ERN1: variants seen among roughly 807,000 people sequenced by gnomAD.
The protein encoded by ERN1 is serine/threonine-protein kinase/endoribonuclease IRE1.
In ERN1, 39 loss-of-function variants were observed where a neutral mutation model predicts 113.1. The ratio of observed to expected loss-of-function variants is 0.34; its 90% CI spans 0.27 to 0.45. The LOEUF (loss-of-function observed/expected upper bound fraction) is 0.45, where lower values mean the gene tolerates loss of function less well. Ranked by LOEUF, ERN1 falls within the 20% of genes least tolerant of loss-of-function variation. ERN1 has a pLI of 1.00. For synonymous variants in ERN1, 507 were observed against 515.9 expected (o/e 0.98, Z 0.23); for missense variants, 976 against 1,274.8 (o/e 0.77, Z 3.57).
intron 2 of ERN1, among the ~76,000 whole-genome samples, chr17:64,088,484 C>T (rs1913995671): frequency 6.6e-6 from 1 of 152,154 alleles, no homozygotes; most frequent in Non-Finnish European, 1.5e-5. Context: ...GAGATGAAGT[C>T]TCAAATGCTT....
At position 64,115,763 on chromosome 17, in the gene ERN1, G is replaced by A. The variant is rs138371619; in HGVS notation, c.54+14213C>T. ...GATGAGGTGGGCACACAGATGCATGGTCTGGTTTGAGCTCTGGGCAAGTCA... is the reference window on the plus strand; with the variant it reads ...GATGAGGTGGGCACACAGATGCATGATCTGGTTTGAGCTCTGGGCAAGTCA... On this transcript the variant is annotated intron_variant, in intron 1 of 21. Transcript: ENST00000433197. Among the ~76,000 whole-genome samples the A allele has an allele frequency of 2.2e-3, 328 of 152,292 alleles. 4 individuals carry two copies. The highest frequency in any genetic ancestry group is 7.6e-3 in the African/African-American group (315 of 41,566).
intron 1 of ERN1, among the ~76,000 whole-genome samples, chr17:64,127,334 G>C (rs1248269597): frequency 3.3e-5 from 5 of 152,186 alleles, no homozygotes; most frequent in Non-Finnish European, 7.3e-5. Flanking sequence ...TGATGGCTTA[G>C]AGTAAAAAGC....
chr17:64,062,992 C>A (rs1160294072), intron 10 of ERN1, among the ~76,000 whole-genome samples: 1 of 152,336 alleles, frequency 6.6e-6, no homozygotes, highest in Non-Finnish European at 1.5e-5. Context: ...CCACCTACAC[C>A]GCACTGCCTG....
intron 17 of ERN1, among the ~76,000 whole-genome samples, chr17:64,050,050 C>T (rs186718636): frequency 5.3e-5 from 8 of 152,260 alleles, no homozygotes; most frequent in East Asian, 1.9e-4. Flanking sequence ...CCTTGTGAGG[C>T]GAGCAGAGCA....
At chr17:64,125,236 C>A in intron 1 of ERN1, among the ~76,000 whole-genome samples, 1 of 151,952 alleles carries the variant, frequency 6.6e-6, no homozygotes, top group East Asian at 1.9e-4. Flanking sequence ...CTTATCTATC[C>A]TTTCTAACTT....
intron 1 of ERN1, among the ~76,000 whole-genome samples, chr17:64,126,551 G>C (rs959839316): frequency 3.3e-5 from 5 of 152,016 alleles, no homozygotes; most frequent in Admixed American, 3.3e-4. Flanking sequence ...ATAACTCTCA[G>C]ATACATTTTT....
intron 1 of ERN1, among the ~76,000 whole-genome samples, chr17:64,102,032 C>G (rs1225060963): frequency 2.0e-5 from 3 of 152,128 alleles, no homozygotes; most frequent in African/African-American, 7.2e-5. Context: ...GTAATCTCAG[C>G]ACTTTGGGAG....
intron 2 of ERN1, among the ~76,000 whole-genome samples, chr17:64,085,028 T>A (rs955933290): frequency 1.3e-5 from 2 of 152,228 alleles, no homozygotes; most frequent in Non-Finnish European, 2.9e-5. Flanking sequence ...TATATTTTAT[T>A]GCTTACTTAA....
chr17:64,066,554 C>T, intron 8 of ERN1, 117 bp downstream of exon 8: 2 of 1,266,108 alleles, frequency 1.6e-6, no homozygotes, highest in African/African-American at 1.5e-5. Context: ...CTGAATATTC[C>T]TCATGGCTTC....
At chr17:64,075,091 C>G in intron 5 of ERN1, 84 bp downstream of exon 5, 19 of 1,111,006 alleles carry the variant, frequency 1.7e-5, no homozygotes, top group Non-Finnish European at 2.5e-5. Flanking sequence ...GCGGTGACTG[C>G]GCCCTCTCTC....
intron 3 of ERN1, 73 bp downstream of exon 3, chr17:64,080,702 C>G: frequency 7.1e-7 from 1 of 1,400,128 alleles, no homozygotes; most frequent in Non-Finnish European, 1.0e-6. Context: ...CTCCCAGCAA[C>G]TGGCCTCATA....
chr17:64,079,678 T>C lies in ERN1; in HGVS notation c.266A>G (p.Asn89Ser), dbSNP rs1272588935. The change falls in exon 4 of 22, where the codon AAT (asparagine) becomes AGT (serine). Residue 89 changes from asparagine (N) to serine (S), a missense_variant. Around this residue, in one of 5 missense-constraint regions of ERN1, gnomAD observed 459 missense variants for 581.2 expected, o/e 0.79. Coordinates refer to ENST00000433197, the MANE Select transcript of ERN1 (RefSeq NM_001433.5). ...DGSLYTLGSK[N>S]NEGLTKLPFT... Reference sequence around the variant, plus strand: ...TATACTCACCGTCAGGCCTTCATTATTCTTGCTTCCAAGCGTATACAGGCT... The same window carrying C: ...TATACTCACCGTCAGGCCTTCATTACTCTTGCTTCCAAGCGTATACAGGCT... 6.2e-7 allele frequency: 1 copy of C among 1,613,900 alleles called. No individual in the cohort carries two copies. The highest frequency in any genetic ancestry group is 1.1e-5 in the South Asian group (1 of 91,074).
At chr17:64,085,206 C>T (rs1913887786) in intron 2 of ERN1, among the ~76,000 whole-genome samples, 1 of 152,112 alleles carries the variant, frequency 6.6e-6, no homozygotes. Flanking sequence ...AAAGGAATAC[C>T]TGAGGCTGGG....
At position 64,039,187 on chromosome 17, in the gene ERN1, T is replaced by C. The variant is rs4337359; in HGVS notation, c.*4801A>G. 6.6e-6 allele frequency: 1 copy of C among 152,172 alleles called. No homozygotes were observed. Among genetic ancestry groups the C allele is most frequent in the Non-Finnish European group, 1.5e-5 (1 of 68,028 alleles). 9.4% of individuals were successfully genotyped at this position (152,172 alleles called of 1,614,324 possible). On this transcript the variant is annotated 3_prime_UTR_variant, in exon 22 of 22. Coordinates refer to ENST00000433197, the MANE Select transcript of ERN1 (RefSeq NM_001433.5). ...TTATTGTGGTTGGCTCGACATAAGATGCCGCCATCAGCAGAATTATAAAAC... is the reference window on the plus strand; with the variant it reads ...TTATTGTGGTTGGCTCGACATAAGACGCCGCCATCAGCAGAATTATAAAAC...
At chr17:64,127,772 A>AG (rs1400909849) in intron 1 of ERN1, among the ~76,000 whole-genome samples, 1 of 151,410 alleles carries the variant, frequency 6.6e-6, no homozygotes, top group African/African-American at 2.4e-5. Context: ...AAAAAAAAAA[A>AG]AAGAAGTAGT....
Position 64,043,071 on chromosome 17 carries a change from T to A in ERN1, c.*917A>T, listed in dbSNP as rs1912390492. On this transcript the variant is annotated 3_prime_UTR_variant, in exon 22 of 22. Transcript: ENST00000433197. ...GGCCTTGGGGACGAAGGAGTTTGAC[T>A]GCCTACTCGCTGGCCCAGGGCTTTC... 1 of 152,410 alleles carries A rather than the reference T, an allele frequency of 6.6e-6. No homozygotes were observed. 9.4% of individuals were successfully genotyped at this position (152,410 alleles called of 1,614,324 possible).
chr17:64,076,687 C>T (rs1336670841), intron 4 of ERN1, among the ~76,000 whole-genome samples: 1 of 152,050 alleles, frequency 6.6e-6, no homozygotes, highest in African/African-American at 2.4e-5. Context: ...GCAAGCTCCG[C>T]CTCCCGGGTT....
chr17:64,119,148 TATAA>T (rs779528791), intron 1 of ERN1, among the ~76,000 whole-genome samples: 10 of 152,084 alleles, frequency 6.6e-5, no homozygotes, highest in Non-Finnish European at 7.4e-5. Context: ...TAAACAAATA[TATAA>T]ATAAATAAAC....
chr17:64,049,969 G>T lies in ERN1; in HGVS notation c.2254-767C>A, dbSNP rs1912631350. ...TGAGGGTCTAGTGTGAGGAAGCAGG[G>T]GCTCATCACCTCCCATGCTGGAGGA... is the stretch of plus-strand genomic sequence containing the variant. On this transcript the variant is annotated intron_variant, in intron 17 of 21. Coordinates refer to ENST00000433197, the MANE Select transcript of ERN1 (RefSeq NM_001433.5). The surrounding 1 kb of genome is among the most constrained non-coding windows in gnomAD (Gnocchi z 4.7). Among the ~76,000 whole-genome samples the T allele has an allele frequency of 6.6e-6, 1 of 152,096 alleles. No individual in the cohort carries two copies. Among genetic ancestry groups the T allele is most frequent in the East Asian group, 1.9e-4 (1 of 5,180 alleles).
Sources: allele counts gnomAD v4.1 joint callset (sites outside exome capture counted in the v4.1 genomes callset), GRCh38; gene constraint gnomAD v4.1.1; regional missense constraint gnomAD v4.1.1; non-coding constraint Gnocchi (gnomAD v3.1); transcripts MANE v1.5; gene names NCBI Gene and HGNC (gene_info 2026-07-23, HGNC 2026-07-21).